Variants in RARB observed in about 807,000 individuals in gnomAD.
RARB encodes the protein retinoic acid receptor beta.
A neutral mutation model predicts 51.9 loss-of-function variants in RARB; 17 were observed. That is an observed-to-expected ratio of 0.33 (90% confidence interval 0.22 to 0.49). The LOEUF (loss-of-function observed/expected upper bound fraction) is 0.49. Among genes scored for constraint, RARB ranks in the 20% least tolerant of loss-of-function variants. The probability of loss-of-function intolerance (pLI) is 0.99; values close to 1 mark genes in which losing one functional copy is unlikely to be tolerated. For synonymous variants in RARB, 215 were observed against 195.4 expected (o/e 1.10, Z -0.84); for missense variants, 369 against 550.8 (o/e 0.67, Z 3.30).
chr3:25,344,141 G>A (rs959274359), intron 5 of RARB, among the ~76,000 whole-genome samples: 4 of 152,170 alleles, frequency 2.6e-5, no homozygotes, highest in Non-Finnish European at 5.9e-5. Context: ...CCTCAGGGGT[G>A]ATGGGGCATA....
intron 1 of RARB, among the ~76,000 whole-genome samples, chr3:25,442,132 AT>A (rs1708719100): frequency 6.6e-6 from 1 of 150,718 alleles, no homozygotes; most frequent in South Asian, 2.1e-4. Context: ...TTATTTATTT[AT>A]TTATTTATTT....
At chr3:25,251,417 T>C (rs1702716728) in intron 5 of RARB, among the ~76,000 whole-genome samples, 1 of 152,140 alleles carries the variant, frequency 6.6e-6, no homozygotes, top group South Asian at 2.1e-4. Flanking sequence ...ATATGGTAGC[T>C]GTATGTTTAA....
intron 5 of RARB, among the ~76,000 whole-genome samples, chr3:25,219,743 G>A (rs1701905619): frequency 6.6e-6 from 1 of 152,180 alleles, no homozygotes; most frequent in Non-Finnish European, 1.5e-5. Context: ...CTAGGCTTCA[G>A]GAAGTCCCGT....
chr3:25,459,549 G>A (rs934662970), intron 1 of RARB, among the ~76,000 whole-genome samples: 1 of 152,212 alleles, frequency 6.6e-6, no homozygotes, highest in Admixed American at 6.5e-5. Flanking sequence ...CTTGTTTGAA[G>A]AATAGACACT....
At chr3:25,321,620 G>A (rs1363953587) in intron 5 of RARB, among the ~76,000 whole-genome samples, 1 of 151,982 alleles carries the variant, frequency 6.6e-6, no homozygotes, top group Non-Finnish European at 1.5e-5. Context: ...GGGAGGCTGA[G>A]GCAGGAGAAT....
chr3:25,232,973 C>CTTTTTTTTTT (rs71061205), intron 5 of RARB, among the ~76,000 whole-genome samples: 30 of 118,768 alleles, frequency 2.5e-4, no homozygotes, highest in Non-Finnish European at 3.8e-4. Context: ...TTTTCTTTTT[C>CTTTTTTTTTT]TTTTTTTTTT....
At chr3:24,864,116 C>T (rs1344614417) in intron 2 of RARB, among the ~76,000 whole-genome samples, 2 of 152,208 alleles carry the variant, frequency 1.3e-5, no homozygotes, top group Non-Finnish European at 2.9e-5. Flanking sequence ...TGCACTTGCA[C>T]TGAGCTTACT....
At chr3:25,239,679 T>C (rs1437253747) in intron 5 of RARB, among the ~76,000 whole-genome samples, 1 of 152,172 alleles carries the variant, frequency 6.6e-6, no homozygotes, top group Non-Finnish European at 1.5e-5. Flanking sequence ...TTTATGCCAA[T>C]ATAATGCTGT....
intron 2 of RARB, among the ~76,000 whole-genome samples, chr3:24,904,677 A>G (rs1694816044): frequency 6.6e-6 from 1 of 152,192 alleles, no homozygotes; most frequent in Non-Finnish European, 1.5e-5. Context: ...TACCCAAAGG[A>G]TTAGAAATCA....
At chr3:25,473,439 A>T (rs1384791532) in intron 2 of RARB, among the ~76,000 whole-genome samples, 4 of 152,150 alleles carry the variant, frequency 2.6e-5, no homozygotes, top group African/African-American at 7.2e-5. Flanking sequence ...CTTGTTCCAT[A>T]TTGAAAAGAT....
chr3:25,404,596 C>A (rs890272741), intron 5 of RARB, among the ~76,000 whole-genome samples: 5 of 152,116 alleles, frequency 3.3e-5, no homozygotes, highest in African/African-American at 7.2e-5. Context: ...GGTGCTCAAA[C>A]ATTTTTTGAG....
chr3:24,906,964 G>T (rs751587951), intron 2 of RARB, among the ~76,000 whole-genome samples: 10 of 151,782 alleles, frequency 6.6e-5, no homozygotes, highest in African/African-American at 1.5e-4. Flanking sequence ...AGAAGGAAGA[G>T]AATGATGGTG....
At chr3:25,187,531 T>C (rs1701006185) in intron 5 of RARB, among the ~76,000 whole-genome samples, 1 of 152,140 alleles carries the variant, frequency 6.6e-6, no homozygotes, top group South Asian at 2.1e-4. Context: ...GAATATATCC[T>C]TCATGTGTTA....
At chr3:25,026,805 G>A (rs1019992858) in intron 2 of RARB, among the ~76,000 whole-genome samples, 1 of 152,110 alleles carries the variant, frequency 6.6e-6, no homozygotes, top group Non-Finnish European at 1.5e-5. Flanking sequence ...CTAATTTCAG[G>A]TTACCCCAAC....
At chr3:25,199,935 A>G (rs1221997710) in intron 5 of RARB, among the ~76,000 whole-genome samples, 2 of 152,156 alleles carry the variant, frequency 1.3e-5, no homozygotes, top group Non-Finnish European at 2.9e-5. Flanking sequence ...TAGCAGCATG[A>G]TTTATAATCC....
At chr3:25,284,285 C>T (rs1703597059) in intron 5 of RARB, among the ~76,000 whole-genome samples, 1 of 152,154 alleles carries the variant, frequency 6.6e-6, no homozygotes, top group South Asian at 2.1e-4. Context: ...CTGACTACAA[C>T]CTGTAAGAGA....
chr3:25,240,182 A>G (rs1331900204), intron 5 of RARB, among the ~76,000 whole-genome samples: 1 of 151,382 alleles, frequency 6.6e-6, no homozygotes, highest in Non-Finnish European at 1.5e-5. Flanking sequence ...TGTATGTTTT[A>G]TGTATCCTGC....
At chr3:24,956,216 A>G (rs1696011141) in intron 2 of RARB, among the ~76,000 whole-genome samples, 1 of 152,192 alleles carries the variant, frequency 6.6e-6, no homozygotes, top group Non-Finnish European at 1.5e-5. Flanking sequence ...CAGACATTGA[A>G]GTTCACTCTG....
intron 2 of RARB, among the ~76,000 whole-genome samples, chr3:25,042,559 T>C (rs1698134221): frequency 6.6e-6 from 1 of 152,230 alleles, no homozygotes; most frequent in Non-Finnish European, 1.5e-5. Context: ...ATTAGAGATA[T>C]GATATTAAAT....
Sources: gnomAD v4.1 joint callset for allele counts (sites outside exome capture counted in the v4.1 genomes callset) on GRCh38, gnomAD v4.1.1 for gene constraint, MANE v1.5 for transcripts, NCBI Gene and HGNC (gene_info 2026-07-23, HGNC 2026-07-21) for gene names.